Variants in XYLT1 observed in about 807,000 individuals in gnomAD.
XYLT1 encodes beta-D-xylosyltransferase 1.
XYLT1 carries 36 observed loss-of-function variants against 91.3 expected under a neutral mutation model. The ratio of observed to expected loss-of-function variants is 0.39; its 90% CI spans 0.30 to 0.52. The LOEUF is 0.52. XYLT1 is among the 20% of genes least tolerant of loss of function. XYLT1 has a pLI of 0.68. For missense variants in XYLT1, 1,242 were observed against 1,284.5 expected, an observed-to-expected ratio of 0.97 and a Z score of 0.51; for synonymous variants, 588 against 532.0, an observed-to-expected ratio of 1.11 and a Z score of -1.45.
chr16:17,223,289 C>T (rs866695803), intron 3 of XYLT1, among the ~76,000 whole-genome samples: 1 of 152,196 alleles, frequency 6.6e-6, no homozygotes, highest in Non-Finnish European at 1.5e-5. Context: ...GCCACGTGGT[C>T]ACATGTATTT....
chr16:17,400,625 A>G (rs71390573), intron 1 of XYLT1, among the ~76,000 whole-genome samples: 20,959 of 108,456 alleles, frequency 0.19, 2,133 homozygotes, highest in Middle Eastern at 0.27. Flanking sequence ...GGGAGGGAGG[A>G]AGGGAGGAAG....
chr16:17,422,537 T>G (rs1375858208), intron 1 of XYLT1, among the ~76,000 whole-genome samples: 1 of 151,194 alleles, frequency 6.6e-6, no homozygotes, highest in Non-Finnish European at 1.5e-5. Flanking sequence ...GGAGACAGAG[T>G]CTTACTCTGT....
intron 3 of XYLT1, among the ~76,000 whole-genome samples, chr16:17,220,303 A>G (rs2141608292): frequency 6.6e-6 from 1 of 152,220 alleles, no homozygotes; most frequent in African/African-American, 2.4e-5. Context: ...GGATTTGTTG[A>G]AACTGCCATT....
intron 1 of XYLT1, among the ~76,000 whole-genome samples, chr16:17,461,665 T>A (rs186786677): frequency 6.6e-6 from 1 of 151,994 alleles, no homozygotes; most frequent in Admixed American, 6.6e-5. Context: ...GATGGATGGA[T>A]GGATGGGTGG....
chr16:17,465,243 G>T (rs1421420458), intron 1 of XYLT1, among the ~76,000 whole-genome samples: 1 of 151,280 alleles, frequency 6.6e-6, no homozygotes, highest in Non-Finnish European at 1.5e-5. Context: ...ACTCGGAAAG[G>T]TGGCATCTTT....
intron 2 of XYLT1, among the ~76,000 whole-genome samples, chr16:17,347,741 G>A (rs547702204): frequency 4.2e-4 from 64 of 152,332 alleles, no homozygotes; most frequent in Admixed American, 4.1e-3. Context: ...CGAGGCGGGG[G>A]CCCGGTCAGG....
intron 2 of XYLT1, among the ~76,000 whole-genome samples, chr16:17,273,566 A>G (rs1458247448): frequency 6.6e-6 from 1 of 152,198 alleles, no homozygotes; most frequent in Non-Finnish European, 1.5e-5. Flanking sequence ...GAAGTACGCC[A>G]GGCATGGTGG....
At chr16:17,332,014 C>T (rs111477996) in intron 2 of XYLT1, among the ~76,000 whole-genome samples, 2 of 152,348 alleles carry the variant, frequency 1.3e-5, no homozygotes, top group East Asian at 3.9e-4. Context: ...TTAAACAAGA[C>T]AATCATATCC....
chr16:17,183,105 A>C (rs941591496), intron 5 of XYLT1, among the ~76,000 whole-genome samples: 7 of 152,196 alleles, frequency 4.6e-5, no homozygotes, highest in African/African-American at 1.7e-4. Flanking sequence ...AGGGTCAGCT[A>C]AGCCTGCATT....
intron 2 of XYLT1, among the ~76,000 whole-genome samples, chr16:17,337,189 G>C (rs1389919961): frequency 6.6e-6 from 1 of 152,064 alleles, no homozygotes; most frequent in African/African-American, 2.4e-5. Flanking sequence ...CTGACTTCCT[G>C]AGAATCTTTT....
chr16:17,273,718 C>A (rs1031844962), intron 2 of XYLT1, among the ~76,000 whole-genome samples: 1 of 151,626 alleles, frequency 6.6e-6, no homozygotes, highest in African/African-American at 2.4e-5. Context: ...GTGGTGGGTG[C>A]CTGTAATCCC....
At chr16:17,403,532 A>C (rs1168359970) in intron 1 of XYLT1, 1 of 152,232 alleles carries the variant, frequency 6.6e-6, no homozygotes, top group East Asian at 1.9e-4. Context: ...AGAATGAGAG[A>C]GCTTGTGTAG....
rs950808123 is a variant in XYLT1, at chr16:17,106,869, G to C, written c.*1826C>G. On this transcript the variant is annotated 3_prime_UTR_variant, in exon 12 of 12. Coordinates refer to ENST00000261381, the MANE Select transcript of XYLT1 (RefSeq NM_022166.4). ...GGCACCCCACTCAAAGCCAGTGGAA[G>C]ATGCGGGTTGGAGCTTTCTTTGCGT... 4 of 152,158 alleles carry C rather than the reference G, an allele frequency of 2.6e-5. No individual in the cohort carries two copies. The East Asian group carries it at 5.8e-4, about 22-fold the overall frequency. The allele number at this position is 152,158 out of a possible 1,614,324, so 9.4% of individuals were successfully genotyped here. A position where few individuals can be genotyped will look rare whatever the true frequency, so the allele number is the denominator to read the frequency against.
chr16:17,387,499 T>C (rs976946189), intron 1 of XYLT1, among the ~76,000 whole-genome samples: 3 of 152,176 alleles, frequency 2.0e-5, no homozygotes, highest in Non-Finnish European at 4.4e-5. Context: ...AGAGGAGCTA[T>C]AAAAACCTGA....
At chr16:17,230,596 G>C (rs2033143029) in intron 3 of XYLT1, among the ~76,000 whole-genome samples, 1 of 152,142 alleles carries the variant, frequency 6.6e-6, no homozygotes, top group Admixed American at 6.5e-5. Context: ...TTTTCTTCCA[G>C]AGCTTCCAAC....
chr16:17,131,871 T>C (rs1304337815), intron 9 of XYLT1, among the ~76,000 whole-genome samples: 1 of 152,176 alleles, frequency 6.6e-6, no homozygotes, highest in African/African-American at 2.4e-5. Flanking sequence ...TAAGGGTCTT[T>C]TGTCCTGATT....
At chr16:17,218,478 C>A (rs1305323418) in intron 3 of XYLT1, among the ~76,000 whole-genome samples, 1 of 151,846 alleles carries the variant, frequency 6.6e-6, no homozygotes, top group African/African-American at 2.4e-5. Flanking sequence ...TCTTAGATGC[C>A]TCCAAAGATG....
intron 3 of XYLT1, among the ~76,000 whole-genome samples, chr16:17,257,047 G>A (rs1462673921): frequency 6.6e-6 from 1 of 152,176 alleles, no homozygotes; most frequent in Non-Finnish European, 1.5e-5. Flanking sequence ...GCTGGCCTCC[G>A]TGCTCATTTA....
At chr16:17,343,794 G>C (rs1488241154) in intron 2 of XYLT1, among the ~76,000 whole-genome samples, 2 of 152,106 alleles carry the variant, frequency 1.3e-5, no homozygotes, top group East Asian at 3.9e-4. Flanking sequence ...ATGAGAAGAG[G>C]AATCAAGAGA....
Sources: gnomAD v4.1 joint callset for allele counts (sites outside exome capture counted in the v4.1 genomes callset) on GRCh38, gnomAD v4.1.1 for gene constraint, MANE v1.5 for transcripts, NCBI Gene and HGNC (gene_info 2026-07-23, HGNC 2026-07-21) for gene names.